CCSER1: variants seen among roughly 807,000 people sequenced by gnomAD.
CCSER1 encodes the protein coiled-coil serine rich protein 1, also known as serine-rich coiled-coil domain-containing protein 1.
In CCSER1, 41 loss-of-function variants were observed where a neutral mutation model predicts 82.0. The ratio of observed to expected loss-of-function variants is 0.50; its 90% CI spans 0.39 to 0.65. The LOEUF (loss-of-function observed/expected upper bound fraction) is 0.65, where lower values mean the gene tolerates loss of function less well. Ranked by LOEUF, CCSER1 falls within the 30% of genes least tolerant of loss-of-function variation. CCSER1 has a pLI of 0.00. For missense variants in CCSER1, 1,119 were observed against 1,064.2 expected (o/e 1.05, Z -0.72); for synonymous variants, 414 against 383.9 (o/e 1.08, Z -0.92).
At chr4:91,249,604 A>T (rs1266315977) in intron 10 of CCSER1, among the ~76,000 whole-genome samples, 2 of 152,098 alleles carry the variant, frequency 1.3e-5, no homozygotes, top group African/African-American at 4.8e-5. Flanking sequence ...CTAGGCCTTT[A>T]CTTAAGTTAC....
At chr4:90,219,442 G>A (rs971828011) in intron 1 of CCSER1, among the ~76,000 whole-genome samples, 7 of 151,950 alleles carry the variant, frequency 4.6e-5, no homozygotes, top group African/African-American at 1.7e-4. Context: ...ACGGTGTCAG[G>A]GCTTATTTTT....
At chr4:91,214,093 T>G (rs1737049583) in intron 10 of CCSER1, among the ~76,000 whole-genome samples, 1 of 152,050 alleles carries the variant, frequency 6.6e-6, no homozygotes, top group South Asian at 2.1e-4. Context: ...GCCTTTTGCC[T>G]CCCTCCTGTC....
chr4:91,562,530 A>T (rs1051613206), intron 10 of CCSER1, among the ~76,000 whole-genome samples: 4 of 151,498 alleles, frequency 2.6e-5, no homozygotes, highest in African/African-American at 9.7e-5. Flanking sequence ...GCCAAATTTA[A>T]ATTTTAAATA....
intron 1 of CCSER1, among the ~76,000 whole-genome samples, chr4:90,295,888 C>A (rs1257136340): frequency 6.6e-6 from 1 of 151,954 alleles, no homozygotes; most frequent in Non-Finnish European, 1.5e-5. Context: ...CATGTTTGAA[C>A]AAGAATTCCT....
At chr4:91,210,175 C>T (rs1307445437) in intron 10 of CCSER1, among the ~76,000 whole-genome samples, 1 of 151,282 alleles carries the variant, frequency 6.6e-6, no homozygotes, top group African/African-American at 2.4e-5. Flanking sequence ...CATTGTGCAC[C>T]TAAACAAATG....
chr4:90,230,419 C>A (rs1744231828), intron 1 of CCSER1, among the ~76,000 whole-genome samples: 1 of 151,582 alleles, frequency 6.6e-6, no homozygotes, highest in African/African-American at 2.4e-5. Context: ...TTCTTTGAAA[C>A]CAACGAGAAC....
chr4:90,981,772 A>C (rs2150422760), intron 9 of CCSER1, among the ~76,000 whole-genome samples: 1 of 152,024 alleles, frequency 6.6e-6, no homozygotes, highest in South Asian at 2.1e-4. Context: ...AGAGACATCA[A>C]GTGAAGCAGT....
intron 6 of CCSER1, among the ~76,000 whole-genome samples, chr4:90,639,599 A>G (rs1174208761): frequency 1.3e-5 from 2 of 152,198 alleles, no homozygotes; most frequent in East Asian, 1.9e-4. Context: ...TGTCAATAGT[A>G]CCTGCTTGTG....
chr4:91,507,120 A>G (rs1417389743), intron 10 of CCSER1, among the ~76,000 whole-genome samples: 2 of 152,138 alleles, frequency 1.3e-5, no homozygotes, highest in South Asian at 2.1e-4. Flanking sequence ...GTGTGGATAT[A>G]TGTCTTCTTA....
intron 8 of CCSER1, among the ~76,000 whole-genome samples, chr4:90,903,090 A>G (rs952389647): frequency 6.6e-6 from 1 of 152,148 alleles, no homozygotes; most frequent in Non-Finnish European, 1.5e-5. Context: ...AATTGACTAC[A>G]TTCTTGATCA....
intron 10 of CCSER1, among the ~76,000 whole-genome samples, chr4:91,564,091 A>G (rs1353672669): frequency 4.0e-5 from 6 of 151,856 alleles, no homozygotes; most frequent in Non-Finnish European, 8.8e-5. Flanking sequence ...CTCTGTGTTT[A>G]TAAGTTCTTA....
intron 10 of CCSER1, among the ~76,000 whole-genome samples, chr4:91,109,221 C>G (rs1156665518): frequency 3.3e-5 from 5 of 152,144 alleles, no homozygotes; most frequent in Non-Finnish European, 7.4e-5. Flanking sequence ...AGGTCACAGA[C>G]AGACTAGCAA....
chr4:91,512,599 T>A lies in CCSER1; in HGVS notation c.2218-85973T>A, dbSNP rs138144136. ...ATATGAGTCAATTAACTTGACAAACTTAATAAACTCCCTTTTATATATACA... is the reference window on the plus strand; with the variant it reads ...ATATGAGTCAATTAACTTGACAAACATAATAAACTCCCTTTTATATATACA... On this transcript the variant is annotated intron_variant, in intron 10 of 10. Transcript: ENST00000509176. Among the ~76,000 whole-genome samples, 46 of 152,316 alleles carry A rather than the reference T, an allele frequency of 3.0e-4. No individual in the cohort carries two copies. The East Asian group carries it at 8.5e-3, about 28-fold the overall frequency.
rs573422098 is a variant in CCSER1, at chr4:91,430,336, T to C, written c.2218-168236T>C. On this transcript the variant is annotated intron_variant, in intron 10 of 10. Coordinates refer to ENST00000509176, the MANE Select transcript of CCSER1 (RefSeq NM_001145065.2). ...TAAAAACAGTTTTTATTGCATAGGG[T>C]ATGTGTATTATTTGAAACGTATTAG... Among the ~76,000 whole-genome samples, 8 of 152,292 alleles carry C rather than the reference T, an allele frequency of 5.3e-5. No individual in the cohort carries two copies. The South Asian group carries it at 1.7e-3, about 32-fold the overall frequency.
intron 5 of CCSER1, among the ~76,000 whole-genome samples, chr4:90,559,052 A>G (rs1254941695): frequency 6.6e-6 from 1 of 152,184 alleles, no homozygotes; most frequent in Admixed American, 6.5e-5. Flanking sequence ...ATCCCAGCCC[A>G]GGTCTGCCAG....
intron 1 of CCSER1, among the ~76,000 whole-genome samples, chr4:90,203,805 C>G (rs926109100): frequency 2.0e-5 from 3 of 152,184 alleles, no homozygotes; most frequent in African/African-American, 4.8e-5. Context: ...TACACTCCCA[C>G]CAACAGTGTA....
intron 3 of CCSER1, among the ~76,000 whole-genome samples, chr4:90,385,078 A>G (rs537223545): frequency 6.6e-6 from 1 of 152,162 alleles, no homozygotes; most frequent in Non-Finnish European, 1.5e-5. Flanking sequence ...TTTTTTATGG[A>G]TGAGTAGTAT....
chr4:91,262,372 T>C (rs946293849), intron 10 of CCSER1, among the ~76,000 whole-genome samples: 1 of 152,052 alleles, frequency 6.6e-6, no homozygotes, highest in Non-Finnish European at 1.5e-5. Flanking sequence ...GACACGAAAA[T>C]GTCTGGTACC....
At chr4:91,146,150 CTG>C (rs768568551) in intron 10 of CCSER1, among the ~76,000 whole-genome samples, 181 of 152,218 alleles carry the variant, frequency 1.2e-3, no homozygotes, top group Middle Eastern at 3.4e-3. Context: ...GTTCATCTAA[CTG>C]TACTGATTCA....
Sources: gnomAD v4.1 joint callset for allele counts (sites outside exome capture counted in the v4.1 genomes callset) on GRCh38, gnomAD v4.1.1 for gene constraint, MANE v1.5 for transcripts, NCBI Gene and HGNC (gene_info 2026-07-23, HGNC 2026-07-21) for gene names.